Variants in SLC37A1 observed in about 807,000 individuals in gnomAD.
The protein encoded by SLC37A1 is solute carrier family 37 member 1.
In SLC37A1, 49 loss-of-function variants were observed where a neutral mutation model predicts 75.3. The ratio of observed to expected loss-of-function variants is 0.65; its 90% CI spans 0.52 to 0.83. The LOEUF is 0.83. SLC37A1 is among the 40% of genes least tolerant of loss of function. The probability of loss-of-function intolerance (pLI) is 0.00; values close to 1 mark genes in which losing one functional copy is unlikely to be tolerated. For missense variants in SLC37A1, 566 were observed against 695.0 expected (o/e 0.81, Z 2.09); for synonymous variants, 268 against 292.1 (o/e 0.92, Z 0.84).
At chr21:42,539,396 A>G (rs2055217579) in intron 5 of SLC37A1, 116 bp from the exon 6 acceptor site, 2 of 1,225,396 alleles carry the variant, frequency 1.6e-6, no homozygotes, top group South Asian at 3.1e-5. Context: ...GTAAGGCTTG[A>G]GAGTTCCCCA....
At chr21:42,575,597 G>A in intron 18 of SLC37A1, 1 of 985,396 alleles carries the variant, frequency 1.0e-6, no homozygotes, top group Non-Finnish European at 1.2e-6. Flanking sequence ...TGTGAGGGGT[G>A]CATACACATC....
intron 3 of SLC37A1, among the ~76,000 whole-genome samples, chr21:42,526,885 T>G (rs2054809772): frequency 6.6e-6 from 1 of 152,202 alleles, no homozygotes; most frequent in Non-Finnish European, 1.5e-5. Flanking sequence ...CCTTAAACAC[T>G]CATCCGCTTG....
chr21:42,553,403 C>T (rs1292092220), intron 9 of SLC37A1, among the ~76,000 whole-genome samples: 2 of 152,230 alleles, frequency 1.3e-5, no homozygotes, highest in Non-Finnish European at 2.9e-5. Flanking sequence ...AGAATTTCAA[C>T]AATTATTTTT....
chr21:42,564,589 C>A, intron 13 of SLC37A1, 119 bp from the exon 14 acceptor site: 1 of 762,548 alleles, frequency 1.3e-6, no homozygotes, highest in Non-Finnish European at 2.3e-6. Context: ...GCCCGTGATG[C>A]ATGGAGAGAG....
chr21:42,538,663 G>C (rs181074568), intron 5 of SLC37A1, among the ~76,000 whole-genome samples: 1 of 152,338 alleles, frequency 6.6e-6, no homozygotes, highest in East Asian at 1.9e-4. Context: ...GGTCCATAGT[G>C]ACATTTCCCA....
At chr21:42,541,022 G>A (rs756024695) in intron 6 of SLC37A1, among the ~76,000 whole-genome samples, 4 of 152,186 alleles carry the variant, frequency 2.6e-5, no homozygotes, top group African/African-American at 4.8e-5. Context: ...CCAGGGACCA[G>A]TTTTGTGGAA....
At chr21:42,546,168 G>A (rs899252590) in intron 8 of SLC37A1, among the ~76,000 whole-genome samples, 1 of 152,212 alleles carries the variant, frequency 6.6e-6, no homozygotes. Context: ...GAGGTGGAGC[G>A]AGAAGCAGTA....
intron 3 of SLC37A1, among the ~76,000 whole-genome samples, chr21:42,534,011 C>T (rs2055065797): frequency 6.6e-6 from 1 of 152,176 alleles, no homozygotes. Context: ...CTTCAGTGTA[C>T]AGTTTGGCAG....
chr21:42,571,904 C>G (rs2056181714), intron 17 of SLC37A1, among the ~76,000 whole-genome samples: 1 of 152,206 alleles, frequency 6.6e-6, no homozygotes, highest in African/African-American at 2.4e-5. Flanking sequence ...ATCAGCCTCA[C>G]TCCGCCCACT....
At position 42,547,731 on chromosome 21, in the gene SLC37A1, C is replaced by A; in HGVS notation, c.768+591C>A. ...CCCGCGGTACCGGTCCCCTCCCTCT[C>A]ATGGCCCAGGGCTTGACTCCCGCAG... On this transcript the variant is annotated intron_variant, in intron 9 of 19. Coordinates refer to ENST00000352133, the MANE Select transcript of SLC37A1 (RefSeq NM_001320537.2). This position sits in a 1 kb window ranked among gnomAD's most constrained non-coding sequence, Gnocchi z 6.1. The A allele has an allele frequency of 6.5e-6, 1 of 154,278 alleles. No homozygotes were observed. The allele number at this position is 154,278 out of a possible 1,614,324, so 9.6% of individuals were successfully genotyped here.
rs150528032 is a variant in SLC37A1 at position 42,503,674 on chromosome 21, C to T, written c.-179+1257C>T. ...TACTGTTGCTGTCCTCCTCTCGTGG[C>T]GCTGGCATACCTGCTTGTTTGAATT... On this transcript the variant is annotated intron_variant, in intron 2 of 20. Transcript: ENST00000398341. Among the ~76,000 whole-genome samples the T allele has an allele frequency of 3.3e-5, 5 of 152,266 alleles. No homozygotes were observed. In the East Asian group the frequency reaches 7.7e-4, roughly 23 times the overall value.
At chr21:42,527,562 C>T (rs1398635898) in intron 3 of SLC37A1, among the ~76,000 whole-genome samples, 3 of 152,086 alleles carry the variant, frequency 2.0e-5, no homozygotes, top group Non-Finnish European at 2.9e-5. Context: ...TACATTACCC[C>T]TGTGATCCTC....
intron 3 of SLC37A1, among the ~76,000 whole-genome samples, chr21:42,526,602 C>CGGTGGCTGAGCCCTG (rs1430856116): frequency 1.3e-5 from 2 of 152,208 alleles, no homozygotes; most frequent in African/African-American, 4.8e-5. Flanking sequence ...CCACTCCTGC[C>CGGTGGCTGAGCCCTG]GGTGGCTGAG....
Position 42,559,190 on chromosome 21 carries a change from G to T in SLC37A1, c.981+101G>T, listed in dbSNP as rs910037526. 3 of 1,440,624 alleles carry T rather than the reference G, an allele frequency of 2.1e-6. No homozygotes were observed. The East Asian group carries it at 7.2e-5, about 34-fold the overall frequency. The allele number at this position is 1,440,624 out of a possible 1,614,324, so 89.2% of individuals were successfully genotyped here. A position where few individuals can be genotyped will look rare whatever the true frequency, so the allele number is the denominator to read the frequency against. ...TAAGCTTAAAAAGACATCTGTGGTT[G>T]TAGAACCCGGGGATTCGAATCCATA... On this transcript the variant is annotated intron_variant, in intron 11 of 19. Coordinates refer to ENST00000352133, the MANE Select transcript of SLC37A1 (RefSeq NM_001320537.2).
intron 5 of SLC37A1, among the ~76,000 whole-genome samples, chr21:42,536,549 A>G (rs1225926120): frequency 6.6e-6 from 1 of 152,210 alleles, no homozygotes; most frequent in Admixed American, 6.5e-5. Context: ...GAGCTTGAGT[A>G]ATTTATAATG....
intron 11 of SLC37A1, 78 bp from the exon 12 acceptor site, chr21:42,562,000 T>C (rs1759826643): frequency 8.4e-7 from 1 of 1,184,184 alleles, no homozygotes; most frequent in African/African-American, 1.5e-5. Flanking sequence ...AGCGAAGTCA[T>C]ATTTAACTCT....
intron 6 of SLC37A1, among the ~76,000 whole-genome samples, chr21:42,540,477 C>T (rs556441349): frequency 5.9e-5 from 9 of 152,022 alleles, no homozygotes; most frequent in Admixed American, 5.9e-4. Flanking sequence ...AAGGAAGGGC[C>T]GACTTTGGAG....
chr21:42,564,906 G>A (rs915874), intron 14 of SLC37A1, 113 bp downstream of exon 14: 674,694 of 950,646 alleles, frequency 0.71, 246,271 homozygotes, highest in Admixed American at 0.82. Context: ...TGACAAGCCC[G>A]CTTCATTCCC....
chr21:42,510,619 A>C (rs2054424176), upstream of SLC37A1, among the ~76,000 whole-genome samples: 1 of 152,164 alleles, frequency 6.6e-6, no homozygotes, highest in Non-Finnish European at 1.5e-5. Context: ...TGCTGCCTGC[A>C]GGAGACTCAG....
Sources: allele counts gnomAD v4.1 joint callset (sites outside exome capture counted in the v4.1 genomes callset), GRCh38; gene constraint gnomAD v4.1.1; non-coding constraint Gnocchi (gnomAD v3.1); transcripts MANE v1.5; gene names NCBI Gene and HGNC (gene_info 2026-07-23, HGNC 2026-07-21).